Variants in MYO3A observed in about 807,000 individuals in gnomAD.
MYO3A encodes myosin-IIIa.
A neutral mutation model predicts 192.7 loss-of-function variants in MYO3A; 180 were observed. The observed-to-expected ratio is 0.93, with a 90% CI of 0.83 to 1.06. MYO3A has a LOEUF of 1.06. Among genes scored for constraint, MYO3A ranks in the 50% least tolerant of loss-of-function variants. The pLI is 0.00. For missense variants in MYO3A, 1,896 were observed against 1,905.0 expected (o/e 1.00, Z 0.09); for synonymous variants, 628 against 645.3 (o/e 0.97, Z 0.41).
At position 26,193,235 on chromosome 10, in the gene MYO3A, TGA is replaced by T; in HGVS notation, c.4472_4473del (p.Arg1491ThrfsTer13). 1 of 1,613,990 alleles carries T rather than the reference TGA, an allele frequency of 6.2e-7. No homozygotes were observed. Among genetic ancestry groups the T allele is most frequent in the Non-Finnish European group, 8.5e-7 (1 of 1,179,934 alleles). On this transcript the variant is annotated frameshift_variant, in exon 32 of 35. Transcript: ENST00000642920. LOFTEE classifies it high-confidence loss of function. ...TGTAAAGGAGAGGAGCCAAAAATAT[TGA>T]GACCCCCAAGACGACCCCGGAAACC...
At chr10:25,966,026 G>T (rs187520221) in intron 4 of MYO3A, among the ~76,000 whole-genome samples, 2 of 151,640 alleles carry the variant, frequency 1.3e-5, no homozygotes, top group Non-Finnish European at 2.9e-5. Context: ...GATACTATGG[G>T]TGCTCACCAG....
intron 34 of MYO3A, among the ~76,000 whole-genome samples, chr10:26,206,312 C>T (rs1436298100): frequency 1.3e-5 from 2 of 151,936 alleles, no homozygotes; most frequent in East Asian, 1.9e-4. Context: ...CCATCCGCCT[C>T]GGCCTCCCAC....
chr10:26,108,217 CTTTTAGATGAACTCTTTCTGGAA>C (rs975763692), intron 17 of MYO3A, among the ~76,000 whole-genome samples: 2 of 152,140 alleles, frequency 1.3e-5, no homozygotes, highest in African/African-American at 4.8e-5. Flanking sequence ...GTGAATCAGG[CTTTTAGATGAACTCTTTCTGGAA>C]TTTTAGATGA....
chr10:26,050,741 A>C (rs1331357674), intron 10 of MYO3A, among the ~76,000 whole-genome samples: 2 of 152,208 alleles, frequency 1.3e-5, no homozygotes, highest in Admixed American at 6.5e-5. Context: ...AAAATTTCCC[A>C]GTATGACATT....
In MYO3A at chr10:25,995,989, C is replaced by A. The variant is rs566583921; in HGVS notation, c.304-501C>A. On this transcript the variant is annotated intron_variant, in intron 4 of 34. Transcript: ENST00000642920. ...GGAGGCAGTCTGTCCGTTCTCAGATCTTAAACTCCATGCTGGGAGGACCAC... is the reference window on the plus strand; with the variant it reads ...GGAGGCAGTCTGTCCGTTCTCAGATATTAAACTCCATGCTGGGAGGACCAC... Among the ~76,000 whole-genome samples, 3 of 152,350 alleles carry A rather than the reference C, an allele frequency of 2.0e-5. No homozygotes were observed. The South Asian group carries it at 6.2e-4, about 32-fold the overall frequency.
At chr10:26,197,191 A>G (rs1843452463) in intron 32 of MYO3A, among the ~76,000 whole-genome samples, 1 of 152,192 alleles carries the variant, frequency 6.6e-6, no homozygotes, top group South Asian at 2.1e-4. Flanking sequence ...TTACAGATTC[A>G]GGCCAGGGAT....
At chr10:26,110,378 G>A (rs1838090290) in intron 17 of MYO3A, among the ~76,000 whole-genome samples, 1 of 152,140 alleles carries the variant, frequency 6.6e-6, no homozygotes, top group Non-Finnish European at 1.5e-5. Flanking sequence ...ATTGTTTAAT[G>A]CATTTTCTCT....
intron 26 of MYO3A, 140 bp downstream of exon 26, chr10:26,157,655 A>G: frequency 1.1e-6 from 1 of 921,386 alleles, no homozygotes; most frequent in Non-Finnish European, 1.7e-6. Flanking sequence ...TATGTGTTGA[A>G]AAAAGAAGAT....
Position 25,954,912 on chromosome 10 carries a change from A to T in MYO3A, c.207A>T (p.Leu69Phe). 6.2e-7 allele frequency: 1 copy of T among 1,612,518 alleles called. No homozygotes were observed. Among genetic ancestry groups the T allele is most frequent in the African/African-American group, 1.3e-5 (1 of 74,970 alleles). Residue 69 changes from leucine to phenylalanine, a missense_variant, in exon 4 of 35, where the codon TTA becomes TTT. Leu to Phe is a conservative substitution (Grantham distance 22, BLOSUM62 0). Coordinates refer to ENST00000642920, the MANE Select transcript of MYO3A (RefSeq NM_017433.5). ...AGATTGAAGCAGAATATAACATCTT[A>T]AAAGCACTTTCTGACCACCCTAATG... Reference protein sequence around the residue: ...DEEIEAEYNILKALSDHPNVV... With the variant: ...DEEIEAEYNIFKALSDHPNVV...
At chr10:26,178,540 G>T (rs1405108480) in intron 31 of MYO3A, among the ~76,000 whole-genome samples, 1 of 148,854 alleles carries the variant, frequency 6.7e-6, no homozygotes, top group South Asian at 2.1e-4. Context: ...GTGACAGAGC[G>T]AGACTCTGTC....
At position 25,958,766 on chromosome 10, in the gene MYO3A, A is replaced by G. The variant is rs529844290; in HGVS notation, c.303+3758A>G. ...ATTTGTTTGTCATATGATTTCTTTG[A>G]GCAATGTTTTGCAGTTTTCATTGTG... On this transcript the variant is annotated intron_variant, in intron 4 of 34. Transcript: ENST00000642920. Among the ~76,000 whole-genome samples the G allele has an allele frequency of 4.6e-5, 7 of 152,114 alleles. No homozygotes were observed. The East Asian group carries it at 9.7e-4, about 21-fold the overall frequency.
At chr10:26,188,061 C>T (rs1384638267) in intron 31 of MYO3A, among the ~76,000 whole-genome samples, 2 of 152,086 alleles carry the variant, frequency 1.3e-5, no homozygotes, top group Non-Finnish European at 2.9e-5. Flanking sequence ...CCTGAGGATT[C>T]GCCACACTGA....
Position 26,128,426 on chromosome 10 carries a change from A to G in MYO3A, c.2150A>G (p.Asp717Gly), listed in dbSNP as rs756188173. Reference sequence around the variant, plus strand: ...GATGAGCTGAGCATTGGCATTCTTGATATATTTGGCTTTGAAAATTTCAAA... The same window carrying G: ...GATGAGCTGAGCATTGGCATTCTTGGTATATTTGGCTTTGAAAATTTCAAA... The part of the protein sequence containing the change: ...NGDELSIGIL[D>G]IFGFENFKKN... The change falls in exon 20 of 35, where the codon GAT becomes GGT. Residue 717 changes from aspartate to glycine, a missense_variant. Asp to Gly is a moderately conservative substitution (Grantham distance 94). Coordinates refer to ENST00000642920, the MANE Select transcript of MYO3A (RefSeq NM_017433.5). The G allele has an allele frequency of 6.2e-7, 1 of 1,613,142 alleles. No individual in the cohort carries two copies. Among genetic ancestry groups the G allele is most frequent in the Non-Finnish European group, 8.5e-7 (1 of 1,179,330 alleles).
At chr10:26,062,525 A>AAAACAAAAAAAC (rs1834559183) in intron 10 of MYO3A, among the ~76,000 whole-genome samples, 3 of 116,094 alleles carry the variant, frequency 2.6e-5, no homozygotes, top group Admixed American at 8.1e-5. Context: ...CAAAAAAAAA[A>AAAACAAAAAAAC]AAAAAAAATT....
chr10:26,115,468 T>G (rs1375144800), intron 17 of MYO3A, among the ~76,000 whole-genome samples: 1 of 152,246 alleles, frequency 6.6e-6, no homozygotes, highest in Non-Finnish European at 1.5e-5. Context: ...GTGTATGTAT[T>G]AATGATTTTG....
intron 34 of MYO3A, among the ~76,000 whole-genome samples, chr10:26,205,431 C>T (rs889796921): frequency 9.1e-5 from 13 of 143,630 alleles, no homozygotes; most frequent in Admixed American, 7.7e-4. Flanking sequence ...GCCCTGGTAA[C>T]TACTATTCTA....
chr10:26,088,383 T>C lies in MYO3A; in HGVS notation c.1540T>C (p.Ser514Pro). ...AQISEYLLEKSRVIHQAIGEK... is the reference protein window; with the variant it reads ...AQISEYLLEKPRVIHQAIGEK... ...GATTTCTGAATATCTCCTGGAAAAA[T>C]CCCGAGTTATCCACCAAGCTATGTA... Residue 514 changes from serine to proline, a missense_variant, in exon 15 of 35, where the codon TCC becomes CCC. Ser to Pro is a moderately conservative substitution (Grantham distance 74, BLOSUM62 -1). Coordinates refer to ENST00000642920, the MANE Select transcript of MYO3A (RefSeq NM_017433.5). The C allele has an allele frequency of 6.2e-7, 1 of 1,613,782 alleles. No homozygotes were observed. Among genetic ancestry groups the C allele is most frequent in the South Asian group, 1.1e-5 (1 of 91,080 alleles).
intron 26 of MYO3A, among the ~76,000 whole-genome samples, chr10:26,158,615 A>G (rs1841297390): frequency 6.6e-6 from 1 of 152,092 alleles, no homozygotes; most frequent in African/African-American, 2.4e-5. Context: ...TACTAAATAT[A>G]TTTTATTGAG....
At chr10:26,158,866 G>A (rs542682845) in intron 26 of MYO3A, among the ~76,000 whole-genome samples, 22 of 152,142 alleles carry the variant, frequency 1.4e-4, no homozygotes, top group Admixed American at 6.5e-4. Context: ...GAACAAAACC[G>A]TGTTTTGTGA....
Sources: gnomAD v4.1 joint callset for allele counts (sites outside exome capture counted in the v4.1 genomes callset) on GRCh38, gnomAD v4.1.1 for gene constraint, MANE v1.5 for transcripts, NCBI Gene and HGNC (gene_info 2026-07-23, HGNC 2026-07-21) for gene names.